The following DYNC2I2 variants were observed in gnomAD, a reference collection of about 807,000 sequenced individuals.
DYNC2I2 encodes cytoplasmic dynein 2 intermediate chain 2.
Under a neutral mutation model 52.0 loss-of-function variants are expected in DYNC2I2, and 39 were observed. The observed-to-expected ratio is 0.75, with a 90% CI of 0.58 to 0.98. The LOEUF (loss-of-function observed/expected upper bound fraction) is 0.98, where lower values mean the gene tolerates loss of function less well. Ranked by LOEUF, DYNC2I2 falls within the 50% of genes least tolerant of loss-of-function variation. The probability of loss-of-function intolerance (pLI) is 0.00; values close to 1 mark genes in which losing one functional copy is unlikely to be tolerated. For missense variants in DYNC2I2, 743 were observed against 728.4 expected, an observed-to-expected ratio of 1.02 and a Z score of -0.23; for synonymous variants, 359 against 321.1, an observed-to-expected ratio of 1.12 and a Z score of -1.26.
rs760987337 is a variant in DYNC2I2, at chr9:128,635,239, A to T, written c.834T>A (p.Pro278=). 3.8e-5 allele frequency: 61 copies of T among 1,612,324 alleles called. 2 individuals are homozygous for T. In the South Asian group the frequency reaches 6.7e-4, roughly 18 times the overall value. ...GCACCTGGAAGCGGTGGCTGTGCCC[A>T]GGCTCGGGCAGCCACACCACCTGAG... ...PVSQVVWLPE[P]GHSHRFQVLS... The change falls in exon 6 of 9, where the codon CCT becomes CCA. Residue 278 remains proline (P), a synonymous_variant. Transcript: ENST00000372715.
In DYNC2I2 at chr9:128,656,668, G is replaced by T. The variant is rs1377064833; in HGVS notation, c.59C>A (p.Ala20Glu). 1 of 1,510,024 alleles carries T rather than the reference G, an allele frequency of 6.6e-7. No homozygotes were observed. The highest frequency in any genetic ancestry group is 2.3e-5 in the Admixed American group (1 of 44,264). 93.5% of individuals were successfully genotyped at this position (1,510,024 alleles called of 1,614,324 possible). Residue 20 changes from alanine (A) to glutamate (E), a missense_variant, in exon 1 of 9, where the codon GCG (alanine) becomes GAG (glutamate). Transcript: ENST00000372715. ...GCTCGCAACCCCGACTGTCGCCAGC[G>T]CCGCAACACCAGCGCTTCCCGCCTG... ...LSQAGSAGVA[A>E]LATVGVASGP...
chr9:128,683,747 T>G, the DYNC2I2 span: 3 of 597,604 alleles, frequency 5.0e-6, no homozygotes, highest in Non-Finnish European at 2.9e-6. Flanking sequence ...GGCCGGGGTG[T>G]GTGTCCCACT....
upstream of DYNC2I2, among the ~76,000 whole-genome samples, chr9:128,658,433 G>A (rs920259357): frequency 1.3e-5 from 2 of 151,938 alleles, no homozygotes; most frequent in Admixed American, 6.6e-5. Flanking sequence ...CCAAAGTGCT[G>A]GGATTACAGG....
At chr9:128,639,454 G>C (rs1315050918) in intron 2 of DYNC2I2, among the ~76,000 whole-genome samples, 5 of 151,930 alleles carry the variant, frequency 3.3e-5, no homozygotes, top group South Asian at 4.2e-4. Flanking sequence ...ACCCAATACT[G>C]TCTGCCCAAC....
the DYNC2I2 span, among the ~76,000 whole-genome samples, chr9:128,681,917 A>G: frequency 3.3e-5 from 5 of 152,322 alleles, no homozygotes; most frequent in African/African-American, 1.2e-4. Flanking sequence ...TACTTAAAAT[A>G]CAAAAATTAG....
At chr9:128,655,576 C>G (rs1262650965) in intron 1 of DYNC2I2, among the ~76,000 whole-genome samples, 1 of 149,014 alleles carries the variant, frequency 6.7e-6, no homozygotes, top group East Asian at 2.0e-4. Context: ...CTACTACACT[C>G]CAGCCTGGGC....
the DYNC2I2 span, among the ~76,000 whole-genome samples, chr9:128,676,989 C>T: frequency 0.017 from 2,561 of 152,134 alleles, 31 homozygotes; most frequent in Middle Eastern, 0.027. Flanking sequence ...GCTGGGACTA[C>T]AGGCGCCTGC....
chr9:128,671,202 G>T, the DYNC2I2 span, among the ~76,000 whole-genome samples: 1 of 152,022 alleles, frequency 6.6e-6, no homozygotes, highest in African/African-American at 2.4e-5. Context: ...GAGAGGCTGA[G>T]GTGGGAGGGT....
At chr9:128,652,485 C>T (rs1860736480) in intron 1 of DYNC2I2, among the ~76,000 whole-genome samples, 1 of 149,108 alleles carries the variant, frequency 6.7e-6, no homozygotes, top group African/African-American at 2.5e-5. Flanking sequence ...TGGCCAGGTG[C>T]TGTGGTACAC....
At chr9:128,679,703 G>C in the DYNC2I2 span, among the ~76,000 whole-genome samples, 1 of 149,030 alleles carries the variant, frequency 6.7e-6, no homozygotes, top group Non-Finnish European at 1.5e-5. Context: ...CTGGAGTGCA[G>C]TGGCGCGATC....
At chr9:128,677,676 A>G in the DYNC2I2 span, among the ~76,000 whole-genome samples, 2 of 151,282 alleles carry the variant, frequency 1.3e-5, no homozygotes, top group Non-Finnish European at 2.9e-5. Context: ...GCGTGCTGGC[A>G]GGCACCTGTA....
At chr9:128,679,644 T>G in the DYNC2I2 span, among the ~76,000 whole-genome samples, 18 of 149,796 alleles carry the variant, frequency 1.2e-4, no homozygotes, top group East Asian at 5.9e-4. Flanking sequence ...TTGTTTTTTG[T>G]TTTTTTTTGT....
At chr9:128,676,669 C>A in the DYNC2I2 span, among the ~76,000 whole-genome samples, 1 of 151,684 alleles carries the variant, frequency 6.6e-6, no homozygotes, top group Admixed American at 6.6e-5. Flanking sequence ...GTAGCTGGAA[C>A]TACAGGCACC....
In DYNC2I2 at chr9:128,656,776, C is replaced by T. The variant is rs1356450640; in HGVS notation, c.-50G>A. The T allele has an allele frequency of 3.8e-6, 5 of 1,312,446 alleles. No homozygotes were observed. Among genetic ancestry groups the T allele is most frequent in the Non-Finnish European group, 4.9e-6 (5 of 1,029,076 alleles). The allele number at this position is 1,312,446 out of a possible 1,614,324, so 81.3% of individuals were successfully genotyped here. ...GGACGCACTCAGGCGCGACCTCCGC[C>T]CCTACGCCGCCATGAGCGGAAAACG... On this transcript the variant is annotated 5_prime_UTR_variant, in exon 1 of 9. Transcript: ENST00000372715.
At chr9:128,670,782 C>T in the DYNC2I2 span, among the ~76,000 whole-genome samples, 44 of 147,136 alleles carry the variant, frequency 3.0e-4, no homozygotes, top group African/African-American at 9.3e-4. Context: ...GAGAGAAACG[C>T]GGTGGGGTGT....
chr9:128,634,689 C>G lies in DYNC2I2; in HGVS notation c.1214G>C (p.Arg405Thr). 6.4e-7 allele frequency: 1 copy of G among 1,554,978 alleles called. No individual in the cohort carries two copies. Among genetic ancestry groups the G allele is most frequent in the Non-Finnish European group, 8.7e-7 (1 of 1,148,504 alleles). Residue 405 changes from arginine (R) to threonine (T), a missense_variant and splice_region_variant, in exon 7 of 9, where the codon AGG becomes ACG. Transcript: ENST00000372715. ...IYSVSCSPFH[R>T]NLFLSAGTDG... ...TGTGCCCCAGGCCTGCCCTACGTAC[C>G]TGTGGAAGGGGGAACAGCTCACAGA... is the stretch of plus-strand genomic sequence containing the variant.
At chr9:128,683,017 C>G in the DYNC2I2 span, among the ~76,000 whole-genome samples, 33 of 150,794 alleles carry the variant, frequency 2.2e-4, no homozygotes, top group African/African-American at 7.8e-4. Flanking sequence ...TTTTTTGAGA[C>G]AGGGTCCCGC....
chr9:128,643,895 C>G (rs1003332115), intron 1 of DYNC2I2, among the ~76,000 whole-genome samples: 2 of 152,114 alleles, frequency 1.3e-5, no homozygotes, highest in Non-Finnish European at 2.9e-5. Flanking sequence ...CGGGGGAGGT[C>G]ACAAAGCTCT....
the DYNC2I2 span, chr9:128,683,834 TTC>T: frequency 2.1e-6 from 3 of 1,404,794 alleles, no homozygotes; most frequent in South Asian, 3.9e-5. Context: ...AGTCTCAGTG[TTC>T]AGCCTGCTTC....
Sources: allele counts gnomAD v4.1 joint callset (sites outside exome capture counted in the v4.1 genomes callset), GRCh38; gene constraint gnomAD v4.1.1; transcripts MANE v1.5; gene names NCBI Gene and HGNC (gene_info 2026-07-23, HGNC 2026-07-21).